Variants in ARGFX observed in about 807,000 individuals in gnomAD.
ARGFX encodes the protein arginine-fifty homeobox.
ARGFX carries 10 observed loss-of-function variants against 8.0 expected under a neutral mutation model. That is an observed-to-expected ratio of 1.25 (90% CI 0.77 to 2.12). ARGFX has a LOEUF of 2.12. ARGFX is among the 30% of genes most tolerant of loss of function. The pLI is 0.00. For synonymous variants in ARGFX, 116 were observed against 117.8 expected (o/e 0.98, Z 0.10); for missense variants, 282 against 324.3 (o/e 0.87, Z 1.00).
chr3:121,584,020 A>C (rs1458684596), intron 3 of ARGFX, among the ~76,000 whole-genome samples: 1 of 152,108 alleles, frequency 6.6e-6, no homozygotes, highest in Non-Finnish European at 1.5e-5. Context: ...GTGAAAGAAA[A>C]AGTTTTTTAA....
chr3:121,576,908 C>T lies in ARGFX; in HGVS notation c.220+8C>T, dbSNP rs1196142289. 3.1e-6 allele frequency: 1 copy of T among 325,846 alleles called. No homozygotes were observed. The highest frequency in any genetic ancestry group is 6.0e-6 in the Non-Finnish European group (1 of 167,920). 20.2% of individuals were successfully genotyped at this position (325,846 alleles called of 1,614,324 possible). A position where few individuals can be genotyped will look rare whatever the true frequency, so the allele number is the denominator to read the frequency against. On this transcript the variant is annotated splice_region_variant and intron_variant, in intron 3 of 4. Coordinates refer to ENST00000334384, the MANE Select transcript of ARGFX (RefSeq NM_001012659.2). Reference sequence around the variant, plus strand: ...GAGTAGCTGCGACTACAGGTGCGTGCCACTACACCCTCTTTTGTAGAGACG... The same window carrying T: ...GAGTAGCTGCGACTACAGGTGCGTGTCACTACACCCTCTTTTGTAGAGACG...
rs1484776224 is a variant in ARGFX, at chr3:121,587,111, C to T, written c.*511C>T. On this transcript the variant is annotated 3_prime_UTR_variant, in exon 5 of 5. Coordinates refer to ENST00000334384, the MANE Select transcript of ARGFX (RefSeq NM_001012659.2). ...TGTCACCCAGGGTGGAGTGCAGTGG[C>T]GGGATCTCAGCTCAGTGCAACCTCC... Among the ~76,000 whole-genome samples the T allele has an allele frequency of 3.3e-5, 5 of 151,778 alleles. No homozygotes were observed. Among genetic ancestry groups the T allele is most frequent in the Admixed American group, 2.0e-4 (3 of 15,210 alleles).
chr3:121,584,258 G>GGAAGGAAGGAAGGAAT (rs2048797989), intron 3 of ARGFX, among the ~76,000 whole-genome samples: 1 of 139,864 alleles, frequency 7.1e-6, no homozygotes, highest in Admixed American at 7.1e-5. Context: ...AAGGAAGGAA[G>GGAAGGAAGGAAGGAAT]GAAGGAAGGA....
intron 3 of ARGFX, among the ~76,000 whole-genome samples, chr3:121,578,277 G>A (rs187703180): frequency 9.9e-4 from 150 of 152,092 alleles, no homozygotes; most frequent in East Asian, 3.3e-3. Flanking sequence ...ACAGGCATGC[G>A]CCACCATACC....
At chr3:121,572,737 G>A (rs2048716181) in intron 2 of ARGFX, among the ~76,000 whole-genome samples, 1 of 152,112 alleles carries the variant, frequency 6.6e-6, no homozygotes, top group South Asian at 2.1e-4. Flanking sequence ...AAAGCTGGAG[G>A]CCTCATATTA....
At chr3:121,585,302 T>C (rs1045448224) in intron 4 of ARGFX, among the ~76,000 whole-genome samples, 1 of 152,100 alleles carries the variant, frequency 6.6e-6, no homozygotes, top group Admixed American at 6.6e-5. Context: ...TAAGAAATAG[T>C]GTTGCTAGAA....
At chr3:121,577,259 A>ATATATATATTTTTTTT (rs1403064031) in intron 3 of ARGFX, among the ~76,000 whole-genome samples, 2 of 59,644 alleles carry the variant, frequency 3.4e-5, no homozygotes, top group African/African-American at 1.2e-4. Flanking sequence ...ATATATATAT[A>ATATATATATTTTTTTT]TTTTTTTTTT....
Position 121,586,440 on chromosome 3 carries a change from G to T in ARGFX, c.788G>T (p.Gly263Val), listed in dbSNP as rs755443818. The T allele has an allele frequency of 6.2e-7, 1 of 1,614,166 alleles. No homozygotes were observed. The highest frequency in any genetic ancestry group is 8.5e-7 in the Non-Finnish European group (1 of 1,180,038). Reference sequence around the variant, plus strand: ...TCACCCACAAAGTACCAGGTAGGAGGACAGGGTTCCTCTCTCAGCATCTTT... The same window carrying T: ...TCACCCACAAAGTACCAGGTAGGAGTACAGGGTTCCTCTCTCAGCATCTTT... ...YLSPTKYQVG[G>V]QGSSLSIFAG... The change falls in exon 5 of 5, where the codon GGA (glycine) becomes GTA (valine). Residue 263 changes from glycine (G) to valine (V), a missense_variant. Gly to Val is a moderately radical substitution (Grantham distance 109). Coordinates refer to ENST00000334384, the MANE Select transcript of ARGFX (RefSeq NM_001012659.2).
Position 121,589,160 on chromosome 3 carries a change from G to GTGA in ARGFX, c.*2562_*2564dup, listed in dbSNP as rs2048831482. ...ACTGCACTCCAGCTTGAGCAACACA[G>GTGA]TGATACTGTCTCAATAAATAAATAA... On this transcript the variant is annotated 3_prime_UTR_variant, in exon 5 of 5. Transcript: ENST00000334384. Among the ~76,000 whole-genome samples, 1 of 152,104 alleles carries GTGA rather than the reference G, an allele frequency of 6.6e-6. No homozygotes were observed. The highest frequency in any genetic ancestry group is 1.5e-5 in the Non-Finnish European group (1 of 68,032).
chr3:121,575,448 A>G (rs1038339254), intron 2 of ARGFX, among the ~76,000 whole-genome samples: 3 of 152,208 alleles, frequency 2.0e-5, no homozygotes, highest in East Asian at 3.8e-4. Context: ...GTTGCAGAAT[A>G]TGAGCTCTTT....
intron 3 of ARGFX, among the ~76,000 whole-genome samples, chr3:121,583,765 G>C (rs1192697069): frequency 6.6e-6 from 1 of 152,114 alleles, no homozygotes; most frequent in African/African-American, 2.4e-5. Flanking sequence ...CCAGTCATGT[G>C]ATGCTCTTAC....
intron 3 of ARGFX, among the ~76,000 whole-genome samples, chr3:121,581,119 C>A (rs2048777641): frequency 6.6e-6 from 1 of 152,072 alleles, no homozygotes; most frequent in Non-Finnish European, 1.5e-5. Flanking sequence ...AGGCACACAT[C>A]ACCACTCCAG....
rs1173636701 is a variant in ARGFX, at chr3:121,571,730, ATTTTTTTTTTTTT to A, written c.103+927_103+939del. On this transcript the variant is annotated intron_variant, in intron 2 of 4. Transcript: ENST00000334384. ...AGGCATGCACCACCATGCCCGGCAA[ATTTTTTTTTTTTT>A]TTTTTTTTTTTTGTATTTTTAGTAG... Among the ~76,000 whole-genome samples the A allele has an allele frequency of 1.0e-4, 11 of 107,102 alleles. 1 individual carries two copies. In the Admixed American group the frequency reaches 1.3e-3, roughly 12 times the overall value. 70.3% of individuals were successfully genotyped at this position (107,102 alleles called of 152,430 possible). A position where few individuals can be genotyped will look rare whatever the true frequency, so the allele number is the denominator to read the frequency against.
At chr3:121,585,975 C>G in intron 4 of ARGFX, 47 bp from the exon 5 acceptor site, 1 of 1,500,936 alleles carries the variant, frequency 6.7e-7, no homozygotes. Context: ...CCTCCAATGC[C>G]TCCTCCAATA....
rs1468714282 is a variant in ARGFX, at chr3:121,585,026, A to G, written c.330A>G (p.Lys110=). Residue 110 remains lysine (K), a synonymous_variant, in exon 4 of 5, where the codon AAA becomes AAG. Coordinates refer to ENST00000334384, the MANE Select transcript of ARGFX (RefSeq NM_001012659.2). The stretch of plus-strand genomic sequence containing the variant: ...TCCCAGATAGAAATCTTCAGGAGAA[A>G]CTAGCTTTGAGACTCGACCTACCGG... The part of the protein sequence containing the change: ...TMFPDRNLQE[K]LALRLDLPES... The G allele has an allele frequency of 1.9e-6, 3 of 1,613,862 alleles. No individual in the cohort carries two copies. Among genetic ancestry groups the G allele is most frequent in the Non-Finnish European group, 2.5e-6 (3 of 1,179,996 alleles).
At chr3:121,568,930 T>A (rs2048690043) in intron 1 of ARGFX, among the ~76,000 whole-genome samples, 1 of 152,236 alleles carries the variant, frequency 6.6e-6, no homozygotes, top group Non-Finnish European at 1.5e-5. Context: ...AACCTCTTTA[T>A]ATTCTTAAAA....
Position 121,588,311 on chromosome 3 carries a change from C to CAAAAAA in ARGFX, c.*1726_*1731dup, listed in dbSNP as rs756800220. Among the ~76,000 whole-genome samples, 6 of 51,486 alleles carry CAAAAAA rather than the reference C, an allele frequency of 1.2e-4. No homozygotes were observed. The highest frequency in any genetic ancestry group is 2.8e-4 in the Admixed American group (1 of 3,606). 33.8% of individuals were successfully genotyped at this position (51,486 alleles called of 152,430 possible). ...TGAAATCCCGTCTCTACTAAAAATACAAAAAAAAAAAAAAAAAAAAGCCAG... is the reference window on the plus strand; with the variant it reads ...TGAAATCCCGTCTCTACTAAAAATACAAAAAAAAAAAAAAAAAAAAAAAAAAGCCAG... On this transcript the variant is annotated 3_prime_UTR_variant, in exon 5 of 5. Coordinates refer to ENST00000334384, the MANE Select transcript of ARGFX (RefSeq NM_001012659.2).
chr3:121,583,552 C>T (rs2108838647), intron 3 of ARGFX, among the ~76,000 whole-genome samples: 2 of 151,976 alleles, frequency 1.3e-5, no homozygotes, highest in African/African-American at 4.8e-5. Context: ...TCAGGCAATT[C>T]TCCCACCTCA....
In ARGFX at chr3:121,588,635, T is replaced by C. The variant is rs1407777671; in HGVS notation, c.*2035T>C. ...AAAAGGACATAGAAAATGTTTTGAATAGGCCAGGCGCAGTGGCTCACACCT... is the reference window on the plus strand; with the variant it reads ...AAAAGGACATAGAAAATGTTTTGAACAGGCCAGGCGCAGTGGCTCACACCT... On this transcript the variant is annotated 3_prime_UTR_variant, in exon 5 of 5. Transcript: ENST00000334384. 6.6e-6 allele frequency among the ~76,000 whole-genome samples: 1 copy of C among 150,906 alleles called. No individual in the cohort carries two copies. Among genetic ancestry groups the C allele is most frequent in the Non-Finnish European group, 1.5e-5 (1 of 67,718 alleles).
Sources: gnomAD v4.1 joint callset for allele counts (sites outside exome capture counted in the v4.1 genomes callset) on GRCh38, gnomAD v4.1.1 for gene constraint, MANE v1.5 for transcripts, NCBI Gene and HGNC (gene_info 2026-07-23, HGNC 2026-07-21) for gene names.